The following SEPTIN9 variants were observed in gnomAD, a reference collection of about 807,000 sequenced individuals.
SEPTIN9 encodes the protein septin-9.
SEPTIN9 carries 13 observed loss-of-function variants against 56.6 expected under a neutral mutation model. The observed-to-expected ratio is 0.23, with a 90% CI of 0.15 to 0.37. The LOEUF is 0.37. Ranked by LOEUF, SEPTIN9 falls within the 10% of genes least tolerant of loss-of-function variation. SEPTIN9 has a pLI of 1.00. For synonymous variants in SEPTIN9, 332 were observed against 334.1 expected (o/e 0.99, Z 0.07); for missense variants, 650 against 823.1 (o/e 0.79, Z 2.57).
Position 77,425,873 on chromosome 17 carries a change from C to T in SEPTIN9, c.721+23170C>T, listed in dbSNP as rs904791947. Among the ~76,000 whole-genome samples the T allele has an allele frequency of 6.6e-6, 1 of 152,232 alleles. No individual in the cohort carries two copies. Among genetic ancestry groups the T allele is most frequent in the African/African-American group, 2.4e-5 (1 of 41,460 alleles). ...GTTGTGCGGTCTTGGACAGTCCCAG[C>T]CCTCCTGGAGCTGAGCATCCTGATC... On this transcript the variant is annotated intron_variant, in intron 3 of 11. Transcript: ENST00000427177. This position sits in a 1 kb window ranked among gnomAD's most constrained non-coding sequence, Gnocchi z 4.2.
intron 2 of SEPTIN9, among the ~76,000 whole-genome samples, chr17:77,379,391 TGGTG>T (rs1252988250): frequency 4.3e-4 from 65 of 151,880 alleles, no homozygotes; most frequent in African/African-American, 1.5e-3. Flanking sequence ...AGAGCGTGCA[TGGTG>T]GCCGTACGTG....
intron 2 of SEPTIN9, among the ~76,000 whole-genome samples, chr17:77,365,344 C>T (rs2034540974): frequency 6.6e-6 from 1 of 152,116 alleles, no homozygotes; most frequent in African/African-American, 2.4e-5. Flanking sequence ...TCCCTCTCTT[C>T]CTTCCCTTCC....
chr17:77,297,489 T>C (rs1268464796), intron 1 of SEPTIN9, among the ~76,000 whole-genome samples: 4 of 152,124 alleles, frequency 2.6e-5, no homozygotes, highest in East Asian at 3.8e-4. Flanking sequence ...TTACCAGCCA[T>C]CCCTTAATCC....
At chr17:77,286,850 G>A (rs2031302416) in intron 1 of SEPTIN9, among the ~76,000 whole-genome samples, 2 of 152,196 alleles carry the variant, frequency 1.3e-5, no homozygotes, top group Non-Finnish European at 2.9e-5. Context: ...GGTAGGAGGG[G>A]CTCCAGAGAG....
At chr17:77,484,295 G>GGTGGGATGGTA (rs2039578785) in intron 4 of SEPTIN9, among the ~76,000 whole-genome samples, 1 of 151,028 alleles carries the variant, frequency 6.6e-6, no homozygotes, top group Non-Finnish European at 1.5e-5. Context: ...GGATGGTAGT[G>GGTGGGATGGTA]GTGATGTGGG....
Position 77,402,417 on chromosome 17 carries a change from G to T in SEPTIN9, c.435G>T (p.Pro145=), listed in dbSNP as rs766609199. 6.2e-7 allele frequency: 1 copy of T among 1,610,862 alleles called. No homozygotes were observed. The highest frequency in any genetic ancestry group is 1.1e-5 in the South Asian group (1 of 90,686). The change falls in exon 3 of 12, where the codon CCG becomes CCT. Residue 145 remains proline (P), a synonymous_variant. Coordinates refer to ENST00000427177, the MANE Select transcript of SEPTIN9 (RefSeq NM_001113491.2). The surrounding 1 kb of genome is among the most constrained non-coding windows in gnomAD (Gnocchi z 6.6). ...AEVLGHKTPE[P]APRRTEITIV... is the part of the protein sequence containing the mutation. ...TGTTGGGCCACAAGACGCCAGAACC[G>T]GCCCCTCGGAGGACGGAGATCACCA... is the stretch of plus-strand genomic sequence containing the variant.
At chr17:77,458,399 CACTG>C (rs2038311889) in intron 3 of SEPTIN9, among the ~76,000 whole-genome samples, 1 of 152,234 alleles carries the variant, frequency 6.6e-6, no homozygotes, top group South Asian at 2.1e-4. Flanking sequence ...AGTGGAGACT[CACTG>C]GCTCCAGGCT....
In SEPTIN9 at chr17:77,380,640, T is replaced by C. The variant is rs1461381503; in HGVS notation, c.77-21419T>C. Among the ~76,000 whole-genome samples the C allele has an allele frequency of 2.0e-5, 3 of 152,232 alleles. No homozygotes were observed. The East Asian group carries it at 5.8e-4, about 29-fold the overall frequency. On this transcript the variant is annotated intron_variant, in intron 2 of 11. Transcript: ENST00000427177. ...AGCCTTGCAGACACCTGGAGCGGCT[T>C]TCCTGGGAGAGTCTCCCTCGCCTTC...
Position 77,433,463 on chromosome 17 carries a change from G to A in SEPTIN9, c.721+30760G>A, listed in dbSNP as rs1450952704. Among the ~76,000 whole-genome samples, 2 of 152,154 alleles carry A rather than the reference G, an allele frequency of 1.3e-5. No individual in the cohort carries two copies. The highest frequency in any genetic ancestry group is 2.9e-5 in the Non-Finnish European group (2 of 68,020). ...GGGGCAGCAGGGAAGGGACCCACAT[G>A]TGGCACTGGGACACGGAGAGGCTTT... On this transcript the variant is annotated intron_variant, in intron 3 of 11. Coordinates refer to ENST00000427177, the MANE Select transcript of SEPTIN9 (RefSeq NM_001113491.2). This position sits in a 1 kb window ranked among gnomAD's most constrained non-coding sequence, Gnocchi z 6.4.
intron 3 of SEPTIN9, among the ~76,000 whole-genome samples, chr17:77,409,531 G>A (rs1362631542): frequency 6.6e-6 from 1 of 152,198 alleles, no homozygotes. Context: ...CAGGAGGCAG[G>A]CGCTGGGGGC....
At chr17:77,302,343 T>C (rs1013414532) in intron 1 of SEPTIN9, among the ~76,000 whole-genome samples, 1 of 151,972 alleles carries the variant, frequency 6.6e-6, no homozygotes, top group Non-Finnish European at 1.5e-5. Context: ...GTCTTTCTTA[T>C]ATCTAGGTTC....
intron 2 of SEPTIN9, among the ~76,000 whole-genome samples, chr17:77,333,594 T>G (rs1324794057): frequency 6.6e-6 from 1 of 152,250 alleles, no homozygotes; most frequent in Non-Finnish European, 1.5e-5. Flanking sequence ...TGAAGTCTAA[T>G]TTAACAAACT....
At chr17:77,356,755 CTAAG>C (rs1231750457) in intron 2 of SEPTIN9, among the ~76,000 whole-genome samples, 1 of 131,180 alleles carries the variant, frequency 7.6e-6, no homozygotes, top group Non-Finnish European at 1.6e-5. Context: ...AAGTGGTTCT[CTAAG>C]TGGGAACTCA....
intron 3 of SEPTIN9, chr17:77,469,734 A>G (rs1477898645): frequency 6.6e-6 from 1 of 151,982 alleles, no homozygotes; most frequent in East Asian, 1.9e-4. Flanking sequence ...GACTCCTTGA[A>G]TAGGCTCCAT....
Position 77,475,643 on chromosome 17 carries a change from T to C in SEPTIN9, c.722-6501T>C. On this transcript the variant is annotated intron_variant, in intron 3 of 11. Transcript: ENST00000427177. This position sits in a 1 kb window ranked among gnomAD's most constrained non-coding sequence, Gnocchi z 4.6. The stretch of plus-strand genomic sequence containing the variant: ...CAGCTGGAGGCTGCTCCAGTGTGCA[T>C]TGTTACGAGGCAAAGTAAGGAGACT... 2 of 1,613,764 alleles carry C rather than the reference T, an allele frequency of 1.2e-6. No homozygotes were observed. The highest frequency in any genetic ancestry group is 1.7e-6 in the Non-Finnish European group (2 of 1,179,866).
At chr17:77,302,797 G>A (rs1044585464) in intron 1 of SEPTIN9, among the ~76,000 whole-genome samples, 1 of 152,166 alleles carries the variant, frequency 6.6e-6, no homozygotes, top group African/African-American at 2.4e-5. Flanking sequence ...GGGCAAAAGA[G>A]CAGGGAGGGC....
intron 2 of SEPTIN9, chr17:77,373,272 C>T (rs1461339435): frequency 3.6e-6 from 4 of 1,120,850 alleles, no homozygotes; most frequent in Non-Finnish European, 4.4e-6. Flanking sequence ...CTGATCCGCC[C>T]GGGAGGCGGG....
rs537156747 is a variant in SEPTIN9 at position 77,320,668 on chromosome 17, G to T, written c.76+13471G>T. ...GCCGAAACCTTGGGAGGGTGTGGGG[G>T]ACCTGCCCCCCTGGCTCGGGTCTGG... On this transcript the variant is annotated intron_variant, in intron 2 of 11. Transcript: ENST00000427177. 2.0e-5 allele frequency among the ~76,000 whole-genome samples: 3 copies of T among 152,326 alleles called. No homozygotes were observed. The South Asian group carries it at 6.2e-4, about 32-fold the overall frequency.
At chr17:77,446,300 C>G (rs2037738284) in intron 3 of SEPTIN9, 1 of 166,904 alleles carries the variant, frequency 6.0e-6, no homozygotes, top group African/African-American at 2.4e-5. Flanking sequence ...TGCATCCCTC[C>G]AGCCTCTGCC....
Sources: gnomAD v4.1 joint callset for allele counts (sites outside exome capture counted in the v4.1 genomes callset) on GRCh38, gnomAD v4.1.1 for gene constraint, Gnocchi (gnomAD v3.1) non-coding constraint, MANE v1.5 for transcripts, NCBI Gene and HGNC (gene_info 2026-07-23, HGNC 2026-07-21) for gene names.